SYDE2: variants seen among roughly 807,000 people sequenced by gnomAD.
SYDE2 encodes rho GTPase-activating protein SYDE2.
Under a neutral mutation model 91.5 loss-of-function variants are expected in SYDE2, and 76 were observed. The ratio of observed to expected loss-of-function variants is 0.83; its 90% CI spans 0.69 to 1.01. The LOEUF (loss-of-function observed/expected upper bound fraction) is 1.01, where lower values mean the gene tolerates loss of function less well. Among genes scored for constraint, SYDE2 ranks in the 50% least tolerant of loss-of-function variants. The probability of loss-of-function intolerance (pLI) is 0.00; values close to 1 mark genes in which losing one functional copy is unlikely to be tolerated. For missense variants in SYDE2, 1,364 were observed against 1,367.7 expected (o/e 1.00, Z 0.04); for synonymous variants, 513 against 506.4 (o/e 1.01, Z -0.18).
chr1:85,177,917 C>A (rs1227684387), intron 4 of SYDE2, among the ~76,000 whole-genome samples: 1 of 151,562 alleles, frequency 6.6e-6, no homozygotes, highest in East Asian at 1.9e-4. Context: ...GCTACTATAG[C>A]TAACTTAAAG....
chr1:85,169,918 A>C (rs1657439484), intron 4 of SYDE2, among the ~76,000 whole-genome samples: 1 of 152,166 alleles, frequency 6.6e-6, no homozygotes, highest in Non-Finnish European at 1.5e-5. Flanking sequence ...ATAGTAGAGG[A>C]AACTGGAAAG....
chr1:85,200,048 AAAG>A, intron 1 of SYDE2: 29 of 747,396 alleles, frequency 3.9e-5, no homozygotes, highest in East Asian at 1.3e-4. Flanking sequence ...GTCTGATTAA[AAAG>A]AAAAAAAAAA....
intron 3 of SYDE2, chr1:85,181,226 A>G (rs1054338882): frequency 4.3e-5 from 6 of 139,450 alleles, no homozygotes; most frequent in Admixed American, 8.2e-5. Context: ...ATCTGGGCTC[A>G]CTGTAATGTC....
intron 2 of SYDE2, among the ~76,000 whole-genome samples, chr1:85,188,083 C>T (rs1039172569): frequency 9.9e-5 from 15 of 152,042 alleles, no homozygotes; most frequent in African/African-American, 3.4e-4. Context: ...ACTTCATGAA[C>T]ACCAACTTTC....
In SYDE2 at chr1:85,198,811, G is replaced by GT. The variant is rs1251851553; in HGVS notation, c.745+1440_745+1441insA. On this transcript the variant is annotated intron_variant, in intron 1 of 6. Coordinates refer to ENST00000341460, the MANE Select transcript of SYDE2 (RefSeq NM_032184.2). ...CCAAGAGTTAAAACTAAGCCAAAGGGGGGGAGGTAAAAATATTGTGGCAAT... is the reference window on the plus strand; with the variant it reads ...CCAAGAGTTAAAACTAAGCCAAAGGGTGGGGAGGTAAAAATATTGTGGCAAT... Among the ~76,000 whole-genome samples, 5 of 150,250 alleles carry GT rather than the reference G, an allele frequency of 3.3e-5. No homozygotes were observed. The South Asian group carries it at 6.3e-4, about 19-fold the overall frequency.
downstream of SYDE2, among the ~76,000 whole-genome samples, chr1:85,154,958 C>T (rs1312333086): frequency 1.5e-5 from 2 of 136,548 alleles, no homozygotes; most frequent in African/African-American, 5.7e-5. Flanking sequence ...AAAAAGGCAC[C>T]TGTAAATATA....
chr1:85,156,495 C>T (rs1331786458), downstream of SYDE2, among the ~76,000 whole-genome samples: 1 of 151,894 alleles, frequency 6.6e-6, no homozygotes, highest in Non-Finnish European at 1.5e-5. Flanking sequence ...GGTATAAAAA[C>T]TCGCAAAAAA....
chr1:85,178,192 A>G lies in SYDE2; in HGVS notation c.2625T>C (p.Ala875=). The stretch of plus-strand genomic sequence containing the variant: ...GGTACTGGTTTTCACACAGACCAAC[A>G]GCTTTGCTATCTCTCTCAAAAGCCT... The part of the protein sequence containing the change: ...LREAFERDSK[A]VGLCENQYPD... The change falls in exon 4 of 7, where the codon GCT becomes GCC. Residue 875 remains alanine (A), a synonymous_variant. Coordinates refer to ENST00000341460, the MANE Select transcript of SYDE2 (RefSeq NM_032184.2). 1 of 1,586,436 alleles carries G rather than the reference A, an allele frequency of 6.3e-7. No homozygotes were observed. The highest frequency in any genetic ancestry group is 8.6e-7 in the Non-Finnish European group (1 of 1,165,116).
chr1:85,160,172 G>T (rs817413), intron 6 of SYDE2: 168,013 of 981,984 alleles, frequency 0.17, 16,416 homozygotes, highest in African/African-American at 0.39. Context: ...CTATTTCCCT[G>T]CACTAAGATA....
rs1657946253 is a variant in SYDE2, at chr1:85,182,179, A to G, written c.2463T>C (p.Val821=). The change falls in exon 3 of 7, where the codon GTT becomes GTC. Residue 821 remains valine (V), a synonymous_variant. Coordinates refer to ENST00000341460, the MANE Select transcript of SYDE2 (RefSeq NM_032184.2). ...TCAGTCCTATATTTTCTTTCTCTAC[A>G]ACTTTTTGAATATCAACTCCAAATA... ...PIIFGVDIQK[V]VEKENIGLMV... is the part of the protein sequence containing the mutation. The G allele has an allele frequency of 6.2e-7, 1 of 1,606,450 alleles. No individual in the cohort carries two copies. Among genetic ancestry groups the G allele is most frequent in the Non-Finnish European group, 8.5e-7 (1 of 1,175,942 alleles).
chr1:85,181,910 C>G, intron 3 of SYDE2, 188 bp downstream of exon 3: 1 of 549,410 alleles, frequency 1.8e-6, no homozygotes, highest in Non-Finnish European at 3.1e-6. Context: ...ATCTAGCATG[C>G]TCTCAATAAT....
At chr1:85,160,890 C>T (rs942115097) in intron 6 of SYDE2, 95 of 985,170 alleles carry the variant, frequency 9.6e-5, no homozygotes, top group Non-Finnish European at 1.1e-4. Context: ...TCACCTAAGA[C>T]CCTACTGAAA....
intron 1 of SYDE2, among the ~76,000 whole-genome samples, chr1:85,194,591 T>C (rs932109163): frequency 1.3e-5 from 2 of 151,744 alleles, no homozygotes; most frequent in Admixed American, 6.6e-5. Context: ...AAAAAGTCCT[T>C]AGTCTCTTGC....
chr1:85,159,299 TAAAA>T, intron 6 of SYDE2, 50 bp from the exon 7 acceptor site: 1 of 650,778 alleles, frequency 1.5e-6, no homozygotes, highest in South Asian at 1.7e-5. Context: ...CAACTGAACT[TAAAA>T]AAAAAACAGA....
At chr1:85,199,423 A>G (rs1355452849) in intron 1 of SYDE2, among the ~76,000 whole-genome samples, 3 of 152,238 alleles carry the variant, frequency 2.0e-5, no homozygotes, top group Admixed American at 1.3e-4. Flanking sequence ...ATAGTTAAAA[A>G]TCATGCACAT....
intron 4 of SYDE2, among the ~76,000 whole-genome samples, chr1:85,171,300 T>C (rs1407587842): frequency 6.6e-6 from 1 of 152,068 alleles, no homozygotes; most frequent in Non-Finnish European, 1.5e-5. Flanking sequence ...AAAATAACCC[T>C]GAAGAACATC....
chr1:85,160,316 A>G, intron 6 of SYDE2: 3 of 920,774 alleles, frequency 3.3e-6, no homozygotes, highest in Non-Finnish European at 3.9e-6. Context: ...TTCCAGACTT[A>G]AAGTGATATT....
intron 4 of SYDE2, among the ~76,000 whole-genome samples, chr1:85,170,120 T>TTA (rs1324431837): frequency 2.7e-5 from 4 of 150,516 alleles, no homozygotes; most frequent in Non-Finnish European, 5.9e-5. Flanking sequence ...ATCTCTTTTT[T>TTA]TTTTTTTTTT....
rs1557738545 is a variant in SYDE2 at position 85,159,028 on chromosome 1, T to C, written c.3307A>G (p.Thr1103Ala). ...TCCACATCATTTAAATTTTCTTTTG[T>C]ATTTAAAAAGTAGTTTTCCCCACAG... ...SSCGENYFLNTKENLNDVDYD... is the reference protein window; with the variant it reads ...SSCGENYFLNAKENLNDVDYD... The change falls in exon 7 of 7, where the codon ACA (threonine) becomes GCA (alanine). Residue 1103 changes from threonine to alanine, a missense_variant. Transcript: ENST00000341460. 4 of 780,698 alleles carry C rather than the reference T, an allele frequency of 5.1e-6. No individual in the cohort carries two copies. Among genetic ancestry groups the C allele is most frequent in the East Asian group, 2.4e-5 (1 of 41,252 alleles). The allele number at this position is 780,698 out of a possible 1,614,324, so 48.4% of individuals were successfully genotyped here. A position where few individuals can be genotyped will look rare whatever the true frequency, so the allele number is the denominator to read the frequency against.
Sources: allele counts gnomAD v4.1 joint callset (sites outside exome capture counted in the v4.1 genomes callset), GRCh38; gene constraint gnomAD v4.1.1; transcripts MANE v1.5; gene names NCBI Gene and HGNC (gene_info 2026-07-23, HGNC 2026-07-21).